OR51B5: variants seen among roughly 807,000 people sequenced by gnomAD.
The protein encoded by OR51B5 is olfactory receptor family 51 subfamily B member 5, also known as olfactory receptor 51B5.
For synonymous variants in OR51B5, 186 were observed against 144.8 expected (o/e 1.28, Z -2.04); for missense variants, 456 against 374.6 (o/e 1.22, Z -1.79).
chr11:5,491,998 A>C (rs1451276086), intron 1 of OR51B5, among the ~76,000 whole-genome samples: 1 of 152,202 alleles, frequency 6.6e-6, no homozygotes, highest in Non-Finnish European at 1.5e-5. Context: ...GCAACTGCCA[A>C]ATTGCAAAGA....
intron 1 of OR51B5, among the ~76,000 whole-genome samples, chr11:5,503,065 G>A (rs147457204): frequency 3.9e-5 from 6 of 152,282 alleles, no homozygotes; most frequent in African/African-American, 7.2e-5. Flanking sequence ...TACAATCATA[G>A]TTGTATTAAA....
intron 1 of OR51B5, among the ~76,000 whole-genome samples, chr11:5,437,577 C>T (rs888711153): frequency 6.6e-6 from 1 of 152,180 alleles, no homozygotes; most frequent in African/African-American, 2.4e-5. Context: ...AAGTCCTGGC[C>T]TTGCCACCTG....
At chr11:5,383,888 T>G (rs1169312545) in intron 1 of OR51B5, 1 of 152,330 alleles carries the variant, frequency 6.6e-6, no homozygotes, top group Non-Finnish European at 1.5e-5. Context: ...AACCTACTCA[T>G]TGGCTTCACA....
rs886669896 is a variant in OR51B5, at chr11:5,358,779, C to A, written n.85-11869G>T. 8.3e-4 allele frequency among the ~76,000 whole-genome samples: 126 copies of A among 152,138 alleles called. 1 individual carries two copies. The highest frequency in any genetic ancestry group is 3.4e-3 in the Middle Eastern group (1 of 294). On this transcript the variant is annotated intron_variant and non_coding_transcript_variant, in intron 1 of 4. Coordinates refer to the OR51B5 transcript ENST00000415970. ...GGCAAAGCAAATCCAGCAGCACATC[C>A]AAAAGCTTATCCACCATGATCAAGT...
chr11:5,443,716 A>G (rs567923575), intron 1 of OR51B5, among the ~76,000 whole-genome samples: 5 of 152,150 alleles, frequency 3.3e-5, no homozygotes, highest in Non-Finnish European at 5.9e-5. Flanking sequence ...CTTTTCCTCC[A>G]TGGAGAAAAT....
intron 1 of OR51B5, among the ~76,000 whole-genome samples, chr11:5,361,368 G>A (rs1341751159): frequency 6.6e-6 from 1 of 152,124 alleles, no homozygotes; most frequent in African/African-American, 2.4e-5. Context: ...GTAGGGAGGA[G>A]TTTCTGAAAC....
chr11:5,445,895 C>G (rs1307087845), intron 1 of OR51B5, among the ~76,000 whole-genome samples: 7 of 151,800 alleles, frequency 4.6e-5, no homozygotes, highest in African/African-American at 1.7e-4. Flanking sequence ...ATGGATACAT[C>G]AGAAGATAAA....
chr11:5,389,649 G>A (rs1849760516), intron 1 of OR51B5: 2 of 1,613,470 alleles, frequency 1.2e-6, no homozygotes, highest in African/African-American at 2.7e-5. Context: ...ACTGACCTGG[G>A]GCTGTGTGTG....
At position 5,501,417 on chromosome 11, in the gene OR51B5, G is replaced by C. The variant is rs1020548804; in HGVS notation, n.84+4152C>G. On this transcript the variant is annotated intron_variant and non_coding_transcript_variant, in intron 1 of 4. Transcript: ENST00000415970. ...ATCAAATAAAATCCTGATGGGAGTA[G>C]CAAAAGTTACCTTCTTATTATACTC... 6.1e-5 allele frequency among the ~76,000 whole-genome samples: 9 copies of C among 148,014 alleles called. 1 individual carries two copies. Among genetic ancestry groups the C allele is most frequent in the Admixed American group, 4.9e-4 (7 of 14,230 alleles).
At chr11:5,439,084 TTCTCTCTCTCTCGTCC>T (rs1850634734) in intron 1 of OR51B5, among the ~76,000 whole-genome samples, 1 of 148,830 alleles carries the variant, frequency 6.7e-6, no homozygotes, top group Non-Finnish European at 1.5e-5. Flanking sequence ...CAACTGTTCT[TTCTCTCTCTCTCGTCC>T]TCTCTCTCTC....
chr11:5,371,303 G>A (rs1312772686), intron 1 of OR51B5, among the ~76,000 whole-genome samples: 1 of 151,984 alleles, frequency 6.6e-6, no homozygotes, highest in Non-Finnish European at 1.5e-5. Flanking sequence ...AAACACAGAA[G>A]TTCAAAAAAA....
chr11:5,420,771 G>C (rs1263897480), intron 1 of OR51B5, among the ~76,000 whole-genome samples: 1 of 152,144 alleles, frequency 6.6e-6, no homozygotes, highest in African/African-American at 2.4e-5. Context: ...GGAATTGAGA[G>C]ATGAACCACC....
rs1263625511 is a variant in OR51B5, at chr11:5,424,368, C to CA, written n.85-77459dup. On this transcript the variant is annotated intron_variant and non_coding_transcript_variant, in intron 1 of 4. Transcript: ENST00000415970. ...AACAAACAAACAAAAAACAAACAAACAAACAAAAAAACACCTTTCAGCAAG... is the reference window on the plus strand; with the variant it reads ...AACAAACAAACAAAAAACAAACAAACAAAACAAAAAAACACCTTTCAGCAAG... Among the ~76,000 whole-genome samples the CA allele has an allele frequency of 1.0e-3, 155 of 150,588 alleles. 1 individual carries two copies. The highest frequency in any genetic ancestry group is 3.6e-3 in the African/African-American group (148 of 41,434).
chr11:5,372,285 C>G (rs1257626155), intron 1 of OR51B5, among the ~76,000 whole-genome samples: 1 of 152,182 alleles, frequency 6.6e-6, no homozygotes, highest in Non-Finnish European at 1.5e-5. Flanking sequence ...GATACATATA[C>G]AGCAGAGAAA....
chr11:5,413,193 A>T (rs1314995600), intron 1 of OR51B5, among the ~76,000 whole-genome samples: 1 of 152,172 alleles, frequency 6.6e-6, no homozygotes, highest in Admixed American at 6.5e-5. Context: ...CATGGACCTC[A>T]AGCAAACTCC....
intron 1 of OR51B5, among the ~76,000 whole-genome samples, chr11:5,497,389 G>A (rs1851665895): frequency 6.6e-6 from 1 of 152,132 alleles, no homozygotes; most frequent in Non-Finnish European, 1.5e-5. Context: ...TCCAGCCTGG[G>A]CAACAGAGCA....
At chr11:5,467,317 T>G (rs981317532) in intron 1 of OR51B5, among the ~76,000 whole-genome samples, 5 of 152,218 alleles carry the variant, frequency 3.3e-5, no homozygotes, top group Non-Finnish European at 7.3e-5. Context: ...CAGGGGGTGT[T>G]TGGGAGAAAT....
intron 1 of OR51B5, chr11:5,403,025 G>T: frequency 2.1e-6 from 1 of 471,578 alleles, no homozygotes. Flanking sequence ...ACACTGCCCA[G>T]GGTCTTTGGC....
chr11:5,472,902 T>G (rs1851249773), intron 1 of OR51B5, among the ~76,000 whole-genome samples: 1 of 152,142 alleles, frequency 6.6e-6, no homozygotes, highest in Admixed American at 6.6e-5. Context: ...AGTCATCAAA[T>G]AAGGTGACCA....
Sources: gnomAD v4.1 joint callset for allele counts (sites outside exome capture counted in the v4.1 genomes callset) on GRCh38, gnomAD v4.1.1 for gene constraint, MANE v1.5 for transcripts, NCBI Gene and HGNC (gene_info 2026-07-23, HGNC 2026-07-21) for gene names.